Variants in PRKG1 observed in about 807,000 individuals in gnomAD.
The protein encoded by PRKG1 is cGMP-dependent protein kinase 1.
PRKG1 carries 35 observed loss-of-function variants against 88.1 expected under a neutral mutation model. The ratio of observed to expected loss-of-function variants is 0.40; its 90% CI spans 0.30 to 0.53. The LOEUF (loss-of-function observed/expected upper bound fraction) is 0.53. Ranked by LOEUF, PRKG1 falls within the 20% of genes least tolerant of loss-of-function variation. PRKG1 has a pLI of 0.59. For synonymous variants in PRKG1, 303 were observed against 292.5 expected, an observed-to-expected ratio of 1.04 and a Z score of -0.37; for missense variants, 540 against 839.8, an observed-to-expected ratio of 0.64 and a Z score of 4.41.
intron 9 of PRKG1, among the ~76,000 whole-genome samples, chr10:52,173,354 TATG>T (rs1421065399): frequency 1.3e-5 from 2 of 152,304 alleles, no homozygotes; most frequent in East Asian, 3.9e-4. Context: ...GGCATTTAGA[TATG>T]ATAATAAGCC....
At chr10:51,875,407 C>G (rs1488418485) in intron 4 of PRKG1, among the ~76,000 whole-genome samples, 1 of 150,660 alleles carries the variant, frequency 6.6e-6, no homozygotes, top group East Asian at 1.9e-4. Flanking sequence ...ACCCCAGATT[C>G]CCTTCATATT....
intron 2 of PRKG1, among the ~76,000 whole-genome samples, chr10:51,405,991 T>C (rs549357954): frequency 9.2e-5 from 14 of 152,322 alleles, no homozygotes; most frequent in African/African-American, 3.4e-4. Flanking sequence ...TACCATGCTG[T>C]TTGTTCCTTT....
At chr10:52,276,804 T>C (rs1841884255) in intron 12 of PRKG1, among the ~76,000 whole-genome samples, 1 of 152,188 alleles carries the variant, frequency 6.6e-6, no homozygotes, top group African/African-American at 2.4e-5. Flanking sequence ...TAATTTTTCA[T>C]TGTGAGTCAC....
intron 2 of PRKG1, among the ~76,000 whole-genome samples, chr10:51,465,332 C>T (rs1479455083): frequency 6.6e-6 from 1 of 152,106 alleles, no homozygotes; most frequent in African/African-American, 2.4e-5. Flanking sequence ...AGGTTTCTTT[C>T]TACTGAAAAT....
At chr10:52,161,767 G>A in intron 8 of PRKG1, 122 bp from the exon 9 acceptor site, 1 of 773,918 alleles carries the variant, frequency 1.3e-6, no homozygotes, top group East Asian at 2.7e-5. Flanking sequence ...AATGTACTTA[G>A]ATTAAGTGTT....
At chr10:51,499,609 A>G (rs1352845765) in intron 3 of PRKG1, among the ~76,000 whole-genome samples, 2 of 152,170 alleles carry the variant, frequency 1.3e-5, no homozygotes, top group East Asian at 3.8e-4. Flanking sequence ...GCATATGAGT[A>G]CAAACTAAAC....
chr10:52,154,768 G>A (rs888017083), intron 8 of PRKG1, among the ~76,000 whole-genome samples: 4 of 152,084 alleles, frequency 2.6e-5, no homozygotes, highest in African/African-American at 4.8e-5. Context: ...ACTGTACCCA[G>A]TACGTAGTCT....
chr10:51,699,792 C>A (rs1317798265), intron 3 of PRKG1, among the ~76,000 whole-genome samples: 1 of 152,238 alleles, frequency 6.6e-6, no homozygotes, highest in Non-Finnish European at 1.5e-5. Context: ...ATTCCTTTCC[C>A]ATTTCACGTT....
intron 2 of PRKG1, among the ~76,000 whole-genome samples, chr10:51,401,783 A>G (rs1422997484): frequency 6.6e-6 from 1 of 152,152 alleles, no homozygotes; most frequent in Non-Finnish European, 1.5e-5. Context: ...GTGTTTATCC[A>G]TGATGCTTAA....
chr10:51,181,223 A>ATT (rs1837333580), intron 2 of PRKG1, among the ~76,000 whole-genome samples: 10 of 102,462 alleles, frequency 9.8e-5, no homozygotes, highest in Non-Finnish European at 1.7e-4. Flanking sequence ...TATTATATAG[A>ATT]ATTTTTTTTT....
intron 1 of PRKG1, among the ~76,000 whole-genome samples, chr10:51,008,463 A>G (rs147582541): frequency 1.2e-3 from 176 of 152,318 alleles, no homozygotes; most frequent in African/African-American, 4.0e-3. Context: ...TGAAAACCCT[A>G]GGAGAGGAGC....
chr10:52,025,582 G>A (rs1845314449), intron 5 of PRKG1, among the ~76,000 whole-genome samples: 1 of 151,994 alleles, frequency 6.6e-6, no homozygotes, highest in Non-Finnish European at 1.5e-5. Flanking sequence ...ATTAAATAGA[G>A]GTTCCTTTCC....
intron 3 of PRKG1, among the ~76,000 whole-genome samples, chr10:51,486,248 T>C (rs952007318): frequency 6.6e-6 from 1 of 152,026 alleles, no homozygotes; most frequent in African/African-American, 2.4e-5. Context: ...TCCATCCCCC[T>C]TTCCCCCATC....
chr10:51,478,127 T>C (rs932999173), intron 3 of PRKG1, among the ~76,000 whole-genome samples: 36 of 152,200 alleles, frequency 2.4e-4, no homozygotes, highest in African/African-American at 8.2e-4. Context: ...GACAAGTGTT[T>C]GTGTATTTTG....
intron 3 of PRKG1, among the ~76,000 whole-genome samples, chr10:51,677,637 G>C (rs1184429549): frequency 1.3e-5 from 2 of 152,174 alleles, no homozygotes; most frequent in Non-Finnish European, 2.9e-5. Flanking sequence ...ATAAAGCACT[G>C]TCTGTAATTC....
chr10:51,129,686 G>T (rs2131934634), intron 1 of PRKG1, among the ~76,000 whole-genome samples: 1 of 152,240 alleles, frequency 6.6e-6, no homozygotes, highest in South Asian at 2.1e-4. Context: ...AAGTCAGATT[G>T]GAACCATGCA....
At chr10:51,364,293 C>A (rs1477683107) in intron 2 of PRKG1, among the ~76,000 whole-genome samples, 2 of 151,954 alleles carry the variant, frequency 1.3e-5, no homozygotes, top group Admixed American at 1.3e-4. Context: ...GGCTCTTCAG[C>A]AGTCAGGCAA....
chr10:51,451,163 T>C (rs115132586), intron 2 of PRKG1, among the ~76,000 whole-genome samples: 1,730 of 152,028 alleles, frequency 0.011, 26 homozygotes, highest in African/African-American at 0.039. Context: ...GTTATTTCTA[T>C]TTAACACATT....
At chr10:51,222,374 A>G (rs1277639599) in intron 2 of PRKG1, among the ~76,000 whole-genome samples, 1 of 152,116 alleles carries the variant, frequency 6.6e-6, no homozygotes, top group African/African-American at 2.4e-5. Flanking sequence ...GTAGAACATT[A>G]ATCAATGTTG....
Sources: gnomAD v4.1 joint callset for allele counts (sites outside exome capture counted in the v4.1 genomes callset) on GRCh38, gnomAD v4.1.1 for gene constraint, MANE v1.5 for transcripts, NCBI Gene and HGNC (gene_info 2026-07-23, HGNC 2026-07-21) for gene names.